PTPRG: variants seen among roughly 807,000 people sequenced by gnomAD.
The protein encoded by PTPRG is receptor-type tyrosine-protein phosphatase gamma.
A neutral mutation model predicts 165.3 loss-of-function variants in PTPRG; 102 were observed. That is an observed-to-expected ratio of 0.62 (90% CI 0.53 to 0.73). The LOEUF (loss-of-function observed/expected upper bound fraction) is 0.73, where lower values mean the gene tolerates loss of function less well. Ranked by LOEUF, PTPRG falls within the 30% of genes least tolerant of loss-of-function variation. PTPRG has a pLI of 0.00. For synonymous variants in PTPRG, 675 were observed against 669.5 expected, an observed-to-expected ratio of 1.01 and a Z score of -0.13; for missense variants, 1,866 against 1,861.4, an observed-to-expected ratio of 1.00 and a Z score of -0.05.
chr3:62,187,446 G>C (rs779933514), intron 8 of PTPRG, among the ~76,000 whole-genome samples: 1 of 152,156 alleles, frequency 6.6e-6, no homozygotes, highest in Non-Finnish European at 1.5e-5. Context: ...TAAACAGTTG[G>C]AGAAAAATCA....
At chr3:61,879,076 C>A (rs57562812) in intron 2 of PTPRG, among the ~76,000 whole-genome samples, 23,694 of 152,084 alleles carry the variant, frequency 0.16, 1,843 homozygotes, top group Middle Eastern at 0.19. Context: ...AGGAACAAAT[C>A]CTGTGACATT....
Position 62,195,121 on chromosome 3 carries a change from G to C in PTPRG, c.1278G>C (p.Val426=), listed in dbSNP as rs1699927282. 4 of 1,614,118 alleles carry C rather than the reference G, an allele frequency of 2.5e-6. No individual in the cohort carries two copies. The highest frequency in any genetic ancestry group is 3.4e-6 in the Non-Finnish European group (4 of 1,180,058). ...DSLYLFRVQA[V]CRNDMRSDFS... ...TTTACCTGTTCCGAGTCCAGGCCGTGTGTCGGAACGACATGCGCAGCGACT... is the reference window on the plus strand; with the variant it reads ...TTTACCTGTTCCGAGTCCAGGCCGTCTGTCGGAACGACATGCGCAGCGACT... Residue 426 remains valine (V), a synonymous_variant, in exon 10 of 30, where the codon GTG becomes GTC. Coordinates refer to ENST00000474889, the MANE Select transcript of PTPRG (RefSeq NM_002841.4). This position sits in a 1 kb window ranked among gnomAD's most constrained non-coding sequence, Gnocchi z 4.4.
At chr3:61,793,118 A>T (rs1302466510) in intron 2 of PTPRG, among the ~76,000 whole-genome samples, 1 of 152,182 alleles carries the variant, frequency 6.6e-6, no homozygotes, top group African/African-American at 2.4e-5. Flanking sequence ...TGAATATTGG[A>T]TGCATGTCAG....
At chr3:62,074,354 T>TTC (rs1336100687) in intron 4 of PTPRG, among the ~76,000 whole-genome samples, 4 of 35,052 alleles carry the variant, frequency 1.1e-4, no homozygotes, top group African/African-American at 2.9e-4. Context: ...TTTTCTTTCT[T>TTC]TTTTTTTTTT....
intron 2 of PTPRG, among the ~76,000 whole-genome samples, chr3:61,872,456 A>T (rs1256885711): frequency 1.3e-5 from 2 of 152,210 alleles, no homozygotes; most frequent in African/African-American, 4.8e-5. Flanking sequence ...GTGATCTTGG[A>T]CAAGTTACTT....
intron 2 of PTPRG, among the ~76,000 whole-genome samples, chr3:61,948,894 T>A (rs2039829532): frequency 6.6e-6 from 1 of 152,202 alleles, no homozygotes; most frequent in Non-Finnish European, 1.5e-5. Flanking sequence ...TTGTTACCAC[T>A]GTTAATGTCT....
intron 2 of PTPRG, among the ~76,000 whole-genome samples, chr3:61,854,729 G>C (rs569027111): frequency 4.7e-4 from 72 of 152,254 alleles, no homozygotes; most frequent in African/African-American, 1.7e-3. Flanking sequence ...ATACTTACCT[G>C]AGGTTTAAAC....
intron 2 of PTPRG, among the ~76,000 whole-genome samples, chr3:61,863,459 G>T (rs677654): frequency 0.42 from 63,709 of 152,064 alleles, 14,444 homozygotes; most frequent in East Asian, 0.61. Flanking sequence ...TGGGAGCAAG[G>T]CAATTAGAAT....
chr3:62,183,936 G>GA (rs1705765663), intron 8 of PTPRG, among the ~76,000 whole-genome samples: 1 of 152,194 alleles, frequency 6.6e-6, no homozygotes, highest in Admixed American at 6.5e-5. Flanking sequence ...TTGAAGATAG[G>GA]AAAACAGTTA....
chr3:62,018,429 A>T (rs1488329492), intron 4 of PTPRG, among the ~76,000 whole-genome samples: 1 of 152,188 alleles, frequency 6.6e-6, no homozygotes, highest in Non-Finnish European at 1.5e-5. Flanking sequence ...CTAGAATCCC[A>T]CAATGTCAGC....
At chr3:61,580,381 AT>A (rs36020375) in intron 1 of PTPRG, among the ~76,000 whole-genome samples, 1,882 of 137,604 alleles carry the variant, frequency 0.014, 25 homozygotes, top group African/African-American at 0.038. Flanking sequence ...CTCTATTCTG[AT>A]TTTTTTTTTT....
At chr3:61,579,096 C>A (rs1700226211) in intron 1 of PTPRG, among the ~76,000 whole-genome samples, 1 of 152,118 alleles carries the variant, frequency 6.6e-6, no homozygotes, top group Non-Finnish European at 1.5e-5. Context: ...AAAAGAGTTC[C>A]CTGAGGACTA....
intron 2 of PTPRG, among the ~76,000 whole-genome samples, chr3:61,755,268 A>G (rs904928181): frequency 6.6e-6 from 1 of 152,152 alleles, no homozygotes; most frequent in Non-Finnish European, 1.5e-5. Flanking sequence ...TTGGCCTCCC[A>G]AAGTGCTGGG....
intron 15 of PTPRG, among the ~76,000 whole-genome samples, chr3:62,246,738 C>T (rs1170448786): frequency 3.3e-5 from 5 of 151,936 alleles, no homozygotes; most frequent in African/African-American, 4.8e-5. Flanking sequence ...AAAAATAATA[C>T]GAGATTTATA....
chr3:62,172,991 A>G (rs1283538854), intron 8 of PTPRG, among the ~76,000 whole-genome samples: 1 of 152,194 alleles, frequency 6.6e-6, no homozygotes, highest in Non-Finnish European at 1.5e-5. Context: ...TGTTGGCCAT[A>G]TGGTCTCTGT....
chr3:62,264,568 T>A (rs879738902), intron 17 of PTPRG, among the ~76,000 whole-genome samples: 3 of 152,202 alleles, frequency 2.0e-5, no homozygotes, highest in Non-Finnish European at 2.9e-5. Context: ...GTGTCTGGCT[T>A]CTTTAATTTA....
At chr3:62,003,602 T>C in intron 4 of PTPRG, 105 bp downstream of exon 4, 1 of 1,339,158 alleles carries the variant, frequency 7.5e-7, no homozygotes, top group Non-Finnish European at 1.0e-6. Context: ...AGCTGTACAG[T>C]ACCTAACTTC....
At chr3:62,019,491 C>A (rs1228730132) in intron 4 of PTPRG, among the ~76,000 whole-genome samples, 2 of 128,570 alleles carry the variant, frequency 1.6e-5, no homozygotes, top group Non-Finnish European at 3.2e-5. Flanking sequence ...CCACTGTACT[C>A]CAGCCTGGGT....
At chr3:61,642,035 G>A (rs1052397263) in intron 1 of PTPRG, among the ~76,000 whole-genome samples, 15 of 152,306 alleles carry the variant, frequency 9.8e-5, no homozygotes, top group Admixed American at 9.8e-4. Flanking sequence ...CCGCAAGGCC[G>A]CTGCAGGGCT....
Sources: allele counts gnomAD v4.1 joint callset (sites outside exome capture counted in the v4.1 genomes callset), GRCh38; gene constraint gnomAD v4.1.1; non-coding constraint Gnocchi (gnomAD v3.1); transcripts MANE v1.5; gene names NCBI Gene and HGNC (gene_info 2026-07-23, HGNC 2026-07-21).